Variants in ENOX1 observed in about 807,000 individuals in gnomAD.
The protein encoded by ENOX1 is candidate growth-related and time keeping constitutive hydroquinone (NADH) oxidase.
A neutral mutation model predicts 82.5 loss-of-function variants in ENOX1; 42 were observed. The ratio of observed to expected loss-of-function variants is 0.51; its 90% CI spans 0.40 to 0.66. The LOEUF is 0.66. Among genes scored for constraint, ENOX1 ranks in the 30% least tolerant of loss-of-function variants. The probability of loss-of-function intolerance (pLI) is 0.00; values close to 1 mark genes in which losing one functional copy is unlikely to be tolerated. For missense variants in ENOX1, 608 were observed against 811.6 expected (o/e 0.75, Z 3.05); for synonymous variants, 271 against 282.2 (o/e 0.96, Z 0.40).
In ENOX1 at chr13:43,725,708, G is replaced by A. The variant is rs532268666; in HGVS notation, c.-284-58164C>T. ...TCGCCTGGCACGGTGACTCACTCCT[G>A]TAATCCTAGCACTTTGGGAGGCAGA... On this transcript the variant is annotated intron_variant, in intron 1 of 16. Coordinates refer to ENST00000690772, the MANE Select transcript of ENOX1 (RefSeq NM_001347969.2). Among the ~76,000 whole-genome samples the A allele has an allele frequency of 3.3e-5, 5 of 151,722 alleles. No individual in the cohort carries two copies. The South Asian group carries it at 6.3e-4, about 19-fold the overall frequency.
chr13:43,659,869 T>C (rs548968481), intron 2 of ENOX1, among the ~76,000 whole-genome samples: 41 of 152,310 alleles, frequency 2.7e-4, no homozygotes, highest in African/African-American at 9.6e-4. Flanking sequence ...TTCTTGGGAT[T>C]TGGTAAATCA....
At chr13:43,483,477 A>C (rs574254732) in intron 3 of ENOX1, among the ~76,000 whole-genome samples, 12 of 152,126 alleles carry the variant, frequency 7.9e-5, no homozygotes, top group Middle Eastern at 3.4e-3. Flanking sequence ...CACACACACA[A>C]AACCCCAAAC....
intron 12 of ENOX1, among the ~76,000 whole-genome samples, chr13:43,297,274 C>A (rs2046332784): frequency 6.6e-6 from 1 of 152,080 alleles, no homozygotes; most frequent in East Asian, 1.9e-4. Context: ...GTAGTAGTTA[C>A]CTCTAATCAC....
chr13:43,535,273 T>C (rs1318297709), intron 2 of ENOX1, among the ~76,000 whole-genome samples: 1 of 152,182 alleles, frequency 6.6e-6, no homozygotes, highest in Non-Finnish European at 1.5e-5. Context: ...TTTTCTTATA[T>C]TCTGAAAATA....
chr13:43,631,879 T>C (rs955823124), intron 2 of ENOX1, among the ~76,000 whole-genome samples: 20 of 152,198 alleles, frequency 1.3e-4, no homozygotes, highest in South Asian at 6.2e-4. Context: ...GCTTGTTGTA[T>C]ACTACCTTCT....
chr13:43,469,942 ACAGAG>A lies in ENOX1; in HGVS notation c.-75+14062_-75+14066del, dbSNP rs540397686. ...TATAAAGAGCTACAAAACCAATGGAACAGAGCAGAGAGCTCAGAAATAGATGCATA... is the reference window on the plus strand; with the variant it reads ...TATAAAGAGCTACAAAACCAATGGAACAGAGAGCTCAGAAATAGATGCATA... On this transcript the variant is annotated intron_variant, in intron 3 of 16. Transcript: ENST00000690772. 3.0e-3 allele frequency among the ~76,000 whole-genome samples: 450 copies of A among 152,016 alleles called. 1 individual carries two copies. The highest frequency in any genetic ancestry group is 0.027 in the Middle Eastern group (8 of 294).
intron 2 of ENOX1, among the ~76,000 whole-genome samples, chr13:43,520,372 T>C (rs530823079): frequency 2.6e-5 from 4 of 152,156 alleles, no homozygotes; most frequent in Non-Finnish European, 4.4e-5. Context: ...CACGGTATCT[T>C]GATGTTTTAA....
intron 2 of ENOX1, among the ~76,000 whole-genome samples, chr13:43,660,498 T>G (rs960231729): frequency 1.2e-4 from 18 of 152,120 alleles, no homozygotes; most frequent in Admixed American, 1.1e-3. Context: ...ATAGAGAAAA[T>G]AGCAATTTTT....
intron 1 of ENOX1, among the ~76,000 whole-genome samples, chr13:43,713,689 G>C (rs1169698173): frequency 3.9e-5 from 6 of 152,068 alleles, no homozygotes; most frequent in Admixed American, 2.6e-4. Flanking sequence ...AGATTTTCTA[G>C]TTTATTTGCA....
chr13:43,771,768 CT>C (rs375021867), intron 1 of ENOX1, among the ~76,000 whole-genome samples: 11 of 148,700 alleles, frequency 7.4e-5, no homozygotes, highest in African/African-American at 2.0e-4. Flanking sequence ...TGTGATATCT[CT>C]TTTTTTTTTC....
At chr13:43,706,069 T>C (rs1414133276) in intron 1 of ENOX1, among the ~76,000 whole-genome samples, 1 of 151,868 alleles carries the variant, frequency 6.6e-6, no homozygotes, top group Non-Finnish European at 1.5e-5. Flanking sequence ...TACAAAGAAA[T>C]CATAAGTGAA....
At chr13:43,283,169 GA>G (rs1367408412) in intron 12 of ENOX1, among the ~76,000 whole-genome samples, 1 of 151,540 alleles carries the variant, frequency 6.6e-6, no homozygotes, top group Non-Finnish European at 1.5e-5. Context: ...TTTTCCTATT[GA>G]AATTTGTCTG....
chr13:43,460,823 AAAAAAAAT>A (rs1387399445), intron 3 of ENOX1, among the ~76,000 whole-genome samples: 1,785 of 24,148 alleles, frequency 0.074, 228 homozygotes, highest in Non-Finnish European at 0.12. Context: ...AAAAAAAAAA[AAAAAAAAT>A]AGGGATAGCT....
At chr13:43,621,708 G>T (rs747944406) in intron 2 of ENOX1, among the ~76,000 whole-genome samples, 11 of 152,114 alleles carry the variant, frequency 7.2e-5, no homozygotes, top group Non-Finnish European at 1.3e-4. Context: ...CTTAACTTTG[G>T]ATAACCTGAT....
chr13:43,633,837 A>C lies in ENOX1; in HGVS notation c.-219+33642T>G, dbSNP rs368457382. Among the ~76,000 whole-genome samples, 32 of 152,200 alleles carry C rather than the reference A, an allele frequency of 2.1e-4. No homozygotes were observed. In the East Asian group the frequency reaches 4.0e-3, roughly 19 times the overall value. ...AGTAAAAAGAGCTTATAACTTTTAAATCTAAGTATTTCTATAGTATTGAGT... is the reference window on the plus strand; with the variant it reads ...AGTAAAAAGAGCTTATAACTTTTAACTCTAAGTATTTCTATAGTATTGAGT... On this transcript the variant is annotated intron_variant, in intron 2 of 16. Transcript: ENST00000690772.
intron 1 of ENOX1, among the ~76,000 whole-genome samples, chr13:43,682,569 C>T (rs566144920): frequency 6.6e-6 from 1 of 152,184 alleles, no homozygotes; most frequent in East Asian, 1.9e-4. Flanking sequence ...TTACCATTCT[C>T]ATTCATAAGA....
intron 2 of ENOX1, among the ~76,000 whole-genome samples, chr13:43,552,769 A>G (rs1427102894): frequency 6.6e-6 from 1 of 152,200 alleles, no homozygotes; most frequent in Non-Finnish European, 1.5e-5. Flanking sequence ...GTCTTAATAC[A>G]TGAAGGTAAG....
rs575384848 is a variant in ENOX1, at chr13:43,505,772, A to G, written c.-218-21620T>C. 2.6e-5 allele frequency among the ~76,000 whole-genome samples: 4 copies of G among 152,156 alleles called. No individual in the cohort carries two copies. The East Asian group carries it at 7.7e-4, about 29-fold the overall frequency. On this transcript the variant is annotated intron_variant, in intron 2 of 16. Transcript: ENST00000690772. ...TTAGTTTAATTAGATCCCATTTGTC[A>G]ATTGTGGCTTTTGTTGCCGTTGCTT...
At chr13:43,245,538 C>G (rs541315252) in intron 14 of ENOX1, among the ~76,000 whole-genome samples, 3 of 152,292 alleles carry the variant, frequency 2.0e-5, no homozygotes, top group African/African-American at 7.2e-5. Flanking sequence ...CTTATGGGAA[C>G]ATAAGAATGC....
Sources: gnomAD v4.1 joint callset for allele counts (sites outside exome capture counted in the v4.1 genomes callset) on GRCh38, gnomAD v4.1.1 for gene constraint, MANE v1.5 for transcripts, NCBI Gene and HGNC (gene_info 2026-07-23, HGNC 2026-07-21) for gene names.